The following ARHGAP42 variants were observed in gnomAD, a reference collection of about 807,000 sequenced individuals.
The protein encoded by ARHGAP42 is Rho GTPase activating protein 42.
ARHGAP42 carries 63 observed loss-of-function variants against 125.0 expected under a neutral mutation model. That is an observed-to-expected ratio of 0.50 (90% CI 0.41 to 0.62). ARHGAP42 has a LOEUF of 0.62. ARHGAP42 is among the 20% of genes least tolerant of loss of function. ARHGAP42 has a pLI of 0.00. For missense variants in ARHGAP42, 766 were observed against 1,024.2 expected, an observed-to-expected ratio of 0.75 and a Z score of 3.44; for synonymous variants, 339 against 351.0, an observed-to-expected ratio of 0.97 and a Z score of 0.38.
intron 3 of ARHGAP42, among the ~76,000 whole-genome samples, chr11:100,831,808 G>A (rs1864669030): frequency 6.6e-6 from 1 of 152,164 alleles, no homozygotes; most frequent in Non-Finnish European, 1.5e-5. Flanking sequence ...TGGGCACATG[G>A]CAAATATATT....
chr11:100,868,111 T>A (rs1328254204), intron 4 of ARHGAP42, among the ~76,000 whole-genome samples: 1 of 152,138 alleles, frequency 6.6e-6, no homozygotes, highest in South Asian at 2.1e-4. Context: ...AACTTTGAAA[T>A]ATTATGAGAG....
chr11:100,724,769 T>C (rs1037478413), intron 1 of ARHGAP42, among the ~76,000 whole-genome samples: 9 of 151,888 alleles, frequency 5.9e-5, no homozygotes, highest in Admixed American at 1.3e-4. Flanking sequence ...TTTGGTTTCA[T>C]TGATTTTTTT....
chr11:100,946,451 T>C (rs1868020804), intron 10 of ARHGAP42, among the ~76,000 whole-genome samples: 1 of 152,098 alleles, frequency 6.6e-6, no homozygotes, highest in Non-Finnish European at 1.5e-5. Flanking sequence ...GGTTTCAACA[T>C]GTCTTTCTCA....
At position 100,687,588 on chromosome 11, in the gene ARHGAP42, G is replaced by A. The variant is rs1186096755; in HGVS notation, c.-91G>A. ...GTCCCGGCGCCTTCCCCGCGATCGCGCGACCCCAGCGCCCGCCGCGGCCGC... is the reference window on the plus strand; with the variant it reads ...GTCCCGGCGCCTTCCCCGCGATCGCACGACCCCAGCGCCCGCCGCGGCCGC... On this transcript the variant is annotated 5_prime_UTR_variant, in exon 1 of 24. Transcript: ENST00000298815. 1 of 1,068,062 alleles carries A rather than the reference G, an allele frequency of 9.4e-7. No individual in the cohort carries two copies. Among genetic ancestry groups the A allele is most frequent in the Non-Finnish European group, 1.2e-6 (1 of 856,550 alleles). The allele number at this position is 1,068,062 out of a possible 1,614,324, so 66.2% of individuals were successfully genotyped here.
At chr11:100,974,650 C>T (rs1348619725) in intron 19 of ARHGAP42, 47 bp downstream of exon 19, 2 of 1,510,532 alleles carry the variant, frequency 1.3e-6, no homozygotes, top group Admixed American at 2.1e-5. Context: ...TTCTTTGGTT[C>T]AGATGTATTT....
chr11:100,846,002 C>G (rs1865057976), intron 3 of ARHGAP42, among the ~76,000 whole-genome samples: 1 of 152,152 alleles, frequency 6.6e-6, no homozygotes, highest in South Asian at 2.1e-4. Flanking sequence ...TAGCATTTAG[C>G]ATGCCTATTC....
chr11:100,978,806 T>C (rs550598387), intron 21 of ARHGAP42, among the ~76,000 whole-genome samples, 181 bp from the exon 22 acceptor site: 1 of 152,266 alleles, frequency 6.6e-6, no homozygotes, highest in African/African-American at 2.4e-5. Flanking sequence ...CTCTGTAAGC[T>C]GGAGGTTAGA....
At chr11:100,912,426 G>A (rs528533844) in intron 4 of ARHGAP42, among the ~76,000 whole-genome samples, 1 of 152,180 alleles carries the variant, frequency 6.6e-6, no homozygotes, top group East Asian at 1.9e-4. Flanking sequence ...AGAATCTCTG[G>A]AAGGAGAAAA....
chr11:100,927,990 C>T (rs540386651), intron 6 of ARHGAP42, among the ~76,000 whole-genome samples: 4 of 152,222 alleles, frequency 2.6e-5, no homozygotes, highest in East Asian at 3.9e-4. Flanking sequence ...TATATGCTTT[C>T]GTTTTCATGC....
chr11:100,855,917 T>C (rs1264496306), intron 3 of ARHGAP42, among the ~76,000 whole-genome samples: 2 of 152,146 alleles, frequency 1.3e-5, no homozygotes, highest in African/African-American at 4.8e-5. Context: ...CTAGTAATTA[T>C]AAGTTAATTG....
rs1198752505 is a variant in ARHGAP42 at position 100,687,547 on chromosome 11, C to T, written c.-132C>T. ...GCGCTCGGGGCCCGTTTCCTCCGCG[C>T]AATCAGTCCCCTCGCGTCCCGGCGC... On this transcript the variant is annotated 5_prime_UTR_variant, in exon 1 of 24. Transcript: ENST00000298815. 3.3e-6 allele frequency: 2 copies of T among 603,622 alleles called. No homozygotes were observed. Among genetic ancestry groups the T allele is most frequent in the Non-Finnish European group, 4.5e-6 (2 of 447,218 alleles). The allele number at this position is 603,622 out of a possible 1,614,324, so 37.4% of individuals were successfully genotyped here. A position where few individuals can be genotyped will look rare whatever the true frequency, so the allele number is the denominator to read the frequency against.
intron 1 of ARHGAP42, among the ~76,000 whole-genome samples, chr11:100,706,042 C>T (rs1225046422): frequency 1.4e-5 from 2 of 138,868 alleles, no homozygotes; most frequent in African/African-American, 2.7e-5. Context: ...TGTAGTGGTG[C>T]GATCTCGGCT....
chr11:100,851,145 G>A (rs1229022152), intron 3 of ARHGAP42, among the ~76,000 whole-genome samples: 1 of 152,106 alleles, frequency 6.6e-6, no homozygotes, highest in Non-Finnish European at 1.5e-5. Flanking sequence ...GCCTCCGAAA[G>A]TGCTGGGATT....
chr11:100,915,041 G>A (rs2135234267), intron 5 of ARHGAP42, among the ~76,000 whole-genome samples: 1 of 152,086 alleles, frequency 6.6e-6, no homozygotes, highest in South Asian at 2.1e-4. Flanking sequence ...CTTCATCAGT[G>A]TGCTTTCTGT....
intron 1 of ARHGAP42, among the ~76,000 whole-genome samples, chr11:100,748,518 C>G (rs766141832): frequency 1.3e-5 from 2 of 152,182 alleles, no homozygotes; most frequent in South Asian, 4.1e-4. Flanking sequence ...AACAGAATAG[C>G]CTTATACTTT....
intron 12 of ARHGAP42, among the ~76,000 whole-genome samples, chr11:100,952,351 A>G (rs76556639): frequency 0.05 from 7,542 of 152,188 alleles, 321 homozygotes; most frequent in East Asian, 0.25. Context: ...ATCCTGACAA[A>G]TATAATCTTT....
chr11:100,867,438 T>C (rs1489743179), intron 4 of ARHGAP42, among the ~76,000 whole-genome samples: 1 of 152,214 alleles, frequency 6.6e-6, no homozygotes, highest in African/African-American at 2.4e-5. Context: ...ACCTGAGACG[T>C]ATATGTTAGG....
At chr11:100,725,673 C>T (rs1422589698) in intron 1 of ARHGAP42, among the ~76,000 whole-genome samples, 1 of 151,544 alleles carries the variant, frequency 6.6e-6, no homozygotes, top group African/African-American at 2.4e-5. Flanking sequence ...CGCAGTGGCT[C>T]ACGCCTGGAA....
intron 1 of ARHGAP42, among the ~76,000 whole-genome samples, chr11:100,753,538 C>G (rs1219905480): frequency 6.6e-6 from 1 of 152,164 alleles, no homozygotes; most frequent in African/African-American, 2.4e-5. Flanking sequence ...GAGTTTGTCC[C>G]CACTTGAGAT....
Sources: gnomAD v4.1 joint callset for allele counts (sites outside exome capture counted in the v4.1 genomes callset) on GRCh38, gnomAD v4.1.1 for gene constraint, MANE v1.5 for transcripts, NCBI Gene and HGNC (gene_info 2026-07-23, HGNC 2026-07-21) for gene names.